Variants in SGCG observed in about 807,000 individuals in gnomAD.
The protein encoded by SGCG is gamma-sarcoglycan.
Under a neutral mutation model 29.3 loss-of-function variants are expected in SGCG, and 26 were observed. That is an observed-to-expected ratio of 0.89 (90% CI 0.65 to 1.23). SGCG has a LOEUF of 1.23. Among genes scored for constraint, SGCG ranks in the 50% most tolerant of loss-of-function variants. The pLI, the probability that SGCG is intolerant of heterozygous loss-of-function variation, is 0.00. For missense variants in SGCG, 353 were observed against 356.0 expected (o/e 0.99, Z 0.07); for synonymous variants, 145 against 129.7 (o/e 1.12, Z -0.80).
intron 4 of SGCG, among the ~76,000 whole-genome samples, chr13:23,272,864 C>G (rs1158964640): frequency 6.6e-6 from 1 of 152,150 alleles, no homozygotes; most frequent in Non-Finnish European, 1.5e-5. Flanking sequence ...GTGGAACTGC[C>G]TGTTTCATCA....
chr13:23,219,754 T>A (rs9510630), intron 2 of SGCG, among the ~76,000 whole-genome samples: 12 of 55,686 alleles, frequency 2.2e-4, no homozygotes, highest in East Asian at 1.4e-3. Context: ...AATTATTATT[T>A]TTTTTTTTTG....
intron 5 of SGCG, among the ~76,000 whole-genome samples, chr13:23,281,014 A>G (rs932720253): frequency 7.2e-5 from 11 of 152,150 alleles, no homozygotes; most frequent in Non-Finnish European, 1.6e-4. Flanking sequence ...TGCATGCATC[A>G]GAGCCATCCG....
At chr13:23,246,752 C>T (rs188717238) in intron 3 of SGCG, 2 of 214,950 alleles carry the variant, frequency 9.3e-6, no homozygotes, top group African/African-American at 4.6e-5. Context: ...ATAGCTGCAG[C>T]TGGCCGTCTC....
intron 5 of SGCG, among the ~76,000 whole-genome samples, chr13:23,292,790 G>A (rs1028380653): frequency 8.5e-5 from 13 of 152,058 alleles, no homozygotes; most frequent in Admixed American, 2.6e-4. Context: ...CTCTAGTTTC[G>A]TGATAACAAA....
At chr13:23,255,377 A>G (rs1372184873) in intron 4 of SGCG, among the ~76,000 whole-genome samples, 1 of 152,174 alleles carries the variant, frequency 6.6e-6, no homozygotes, top group East Asian at 1.9e-4. Flanking sequence ...TATTTTATAA[A>G]CTCAAAGTGG....
intron 6 of SGCG, among the ~76,000 whole-genome samples, chr13:23,314,155 A>C (rs942333436): frequency 7.3e-6 from 1 of 137,202 alleles, no homozygotes; most frequent in African/African-American, 2.5e-5. Context: ...CTATATAGCT[A>C]TATATATAGA....
At chr13:23,313,690 A>C (rs1882690035) in intron 6 of SGCG, among the ~76,000 whole-genome samples, 1 of 152,232 alleles carries the variant, frequency 6.6e-6, no homozygotes, top group South Asian at 2.1e-4. Context: ...TGCCTTAGCA[A>C]TCAAGTCACC....
At chr13:23,190,678 T>A (rs904309546) in intron 1 of SGCG, among the ~76,000 whole-genome samples, 2 of 152,200 alleles carry the variant, frequency 1.3e-5, no homozygotes, top group African/African-American at 4.8e-5. Context: ...ATAATTCTCA[T>A]GACATTAAAT....
intron 6 of SGCG, among the ~76,000 whole-genome samples, chr13:23,307,583 T>G (rs1882405325): frequency 6.6e-6 from 1 of 152,114 alleles, no homozygotes; most frequent in African/African-American, 2.4e-5. Context: ...AGGAGATAGG[T>G]TCTACAGAAC....
In SGCG at chr13:23,224,680, A is replaced by ACACACACACACCCC. The variant is rs1433903594; in HGVS notation, c.196-9930_196-9929insACACACACACCCCC. 1.7e-4 allele frequency among the ~76,000 whole-genome samples: 25 copies of ACACACACACACCCC among 150,668 alleles called. No individual in the cohort carries two copies. In the East Asian group the frequency reaches 2.4e-3, roughly 14 times the overall value. ...AGGGCACACATACACACACACACAC[A>ACACACACACACCCC]CCCCACACCAGTGCAAGCACTGCTA... On this transcript the variant is annotated intron_variant, in intron 2 of 7. Coordinates refer to ENST00000218867, the MANE Select transcript of SGCG (RefSeq NM_000231.3).
At chr13:23,252,804 A>G (rs1204585753) in intron 4 of SGCG, among the ~76,000 whole-genome samples, 1 of 152,170 alleles carries the variant, frequency 6.6e-6, no homozygotes, top group Non-Finnish European at 1.5e-5. Context: ...GGGAATTTAG[A>G]TATAATATAA....
chr13:23,253,349 T>C (rs540780121), intron 4 of SGCG, among the ~76,000 whole-genome samples: 73 of 152,306 alleles, frequency 4.8e-4, no homozygotes, highest in African/African-American at 1.7e-3. Context: ...AGAAAGTGAT[T>C]TAATTAGTGA....
chr13:23,169,285 C>T, the SGCG span, among the ~76,000 whole-genome samples: 7 of 151,544 alleles, frequency 4.6e-5, no homozygotes, highest in East Asian at 1.9e-4. Context: ...AATTTGTGTC[C>T]ACCTTCTCTC....
chr13:23,322,632 C>T (rs1230864263), intron 7 of SGCG, among the ~76,000 whole-genome samples: 2 of 152,168 alleles, frequency 1.3e-5, no homozygotes, highest in African/African-American at 2.4e-5. Context: ...TCTCCATACA[C>T]CGGGTGAATG....
intron 2 of SGCG, among the ~76,000 whole-genome samples, chr13:23,225,415 A>G (rs1475017446): frequency 6.6e-6 from 1 of 152,144 alleles, no homozygotes; most frequent in Admixed American, 6.5e-5. Context: ...CTTGTTCTTC[A>G]TGCACCTTTC....
intron 6 of SGCG, among the ~76,000 whole-genome samples, chr13:23,315,914 A>G (rs34258813): frequency 0.19 from 28,933 of 152,152 alleles, 3,344 homozygotes; most frequent in Non-Finnish European, 0.25. Context: ...TCAGCAGAGA[A>G]GGATTTTAAT....
chr13:23,161,798 C>A, the SGCG span, among the ~76,000 whole-genome samples: 10 of 152,346 alleles, frequency 6.6e-5, no homozygotes, highest in Non-Finnish European at 1.5e-5. Context: ...GCAGTTATAT[C>A]TTCAAATATT....
chr13:23,236,516 A>G (rs954343505), intron 3 of SGCG, among the ~76,000 whole-genome samples: 1 of 151,926 alleles, frequency 6.6e-6, no homozygotes, highest in Admixed American at 6.6e-5. Context: ...TCTCTACTAA[A>G]AATACAAAAA....
At chr13:23,182,195 T>C (rs1417733663) in intron 1 of SGCG, among the ~76,000 whole-genome samples, 1 of 152,228 alleles carries the variant, frequency 6.6e-6, no homozygotes, top group East Asian at 1.9e-4. Context: ...ACTAAGTTGT[T>C]ATTAAATTGC....
Sources: gnomAD v4.1 joint callset for allele counts (sites outside exome capture counted in the v4.1 genomes callset) on GRCh38, gnomAD v4.1.1 for gene constraint, MANE v1.5 for transcripts, NCBI Gene and HGNC (gene_info 2026-07-23, HGNC 2026-07-21) for gene names.